BTG4: variants seen among roughly 807,000 people sequenced by gnomAD.
The protein encoded by BTG4 is BTG anti-proliferation factor 4.
BTG4 carries 10 observed loss-of-function variants against 19.3 expected under a neutral mutation model. That is an observed-to-expected ratio of 0.52 (90% CI 0.32 to 0.88). BTG4 has a LOEUF of 0.88. Among genes scored for constraint, BTG4 ranks in the 40% least tolerant of loss-of-function variants. BTG4 has a pLI of 0.04. For synonymous variants in BTG4, 91 were observed against 95.7 expected (o/e 0.95, Z 0.29); for missense variants, 238 against 281.9 (o/e 0.84, Z 1.11).
intron 5 of BTG4, among the ~76,000 whole-genome samples, chr11:111,477,244 C>A (rs1864447269): frequency 6.6e-6 from 1 of 152,090 alleles, no homozygotes; most frequent in South Asian, 2.1e-4. Flanking sequence ...ATCATGTTCT[C>A]CTTACTGCTG....
chr11:111,393,957 G>A, the BTG4 span, among the ~76,000 whole-genome samples: 1 of 152,176 alleles, frequency 6.6e-6, no homozygotes, highest in Admixed American at 6.5e-5. Flanking sequence ...CTGTTACCTT[G>A]AGCAAAAGCA....
chr11:111,464,196 C>T (rs529314278), downstream of BTG4, among the ~76,000 whole-genome samples: 1 of 152,082 alleles, frequency 6.6e-6, no homozygotes, highest in East Asian at 1.9e-4. Context: ...ACAGGGTTTC[C>T]CCATGTTGGC....
chr11:111,390,159 T>C, the BTG4 span, among the ~76,000 whole-genome samples: 1 of 152,328 alleles, frequency 6.6e-6, no homozygotes, highest in South Asian at 2.1e-4. Context: ...CATCACATTA[T>C]TCCCCACAAC....
chr11:111,494,908 G>C lies in BTG4; in HGVS notation c.*227C>G. 1 of 984,188 alleles carries C rather than the reference G, an allele frequency of 1.0e-6. No homozygotes were observed. The highest frequency in any genetic ancestry group is 1.2e-6 in the Non-Finnish European group (1 of 829,214). 61.0% of individuals were successfully genotyped at this position (984,188 alleles called of 1,614,324 possible). ...ACATCTTCATTCTGTTACCTTACTGGGTACATTCACTGATGTTACATAAAA... is the reference window on the plus strand; with the variant it reads ...ACATCTTCATTCTGTTACCTTACTGCGTACATTCACTGATGTTACATAAAA... On this transcript the variant is annotated 3_prime_UTR_variant, in exon 5 of 5. Transcript: ENST00000692032.
the BTG4 span, among the ~76,000 whole-genome samples, chr11:111,443,068 T>C: frequency 6.6e-6 from 1 of 152,246 alleles, no homozygotes; most frequent in East Asian, 1.9e-4. Flanking sequence ...TACATCATGT[T>C]GATTGCATGT....
chr11:111,398,650 G>A, the BTG4 span, among the ~76,000 whole-genome samples: 1 of 152,112 alleles, frequency 6.6e-6, no homozygotes, highest in African/African-American at 2.4e-5. Flanking sequence ...GAGACGGGGT[G>A]AAAATTTGCA....
chr11:111,390,825 A>C, the BTG4 span, among the ~76,000 whole-genome samples: 1 of 152,186 alleles, frequency 6.6e-6, no homozygotes, highest in African/African-American at 2.4e-5. Flanking sequence ...TTCCCAAAAC[A>C]AGGCAACCAT....
At chr11:111,436,892 G>C in the BTG4 span, among the ~76,000 whole-genome samples, 1 of 152,114 alleles carries the variant, frequency 6.6e-6, no homozygotes. Flanking sequence ...TATTTCTCCG[G>C]CAGATGGCAG....
the BTG4 span, among the ~76,000 whole-genome samples, chr11:111,423,052 G>A: frequency 6.6e-6 from 1 of 152,164 alleles, no homozygotes; most frequent in Non-Finnish European, 1.5e-5. Flanking sequence ...CCTGTAGCCA[G>A]TGACTCCTGA....
At chr11:111,434,094 T>C in the BTG4 span, among the ~76,000 whole-genome samples, 1 of 152,212 alleles carries the variant, frequency 6.6e-6, no homozygotes, top group South Asian at 2.1e-4. Context: ...TAAAGACACA[T>C]GCACACGTAT....
chr11:111,496,839 G>A (rs944428673), intron 4 of BTG4: 36 of 254,210 alleles, frequency 1.4e-4, no homozygotes, highest in Non-Finnish European at 1.9e-4. Flanking sequence ...ATAGGCCTTT[G>A]ACCTTTCCTA....
the BTG4 span, among the ~76,000 whole-genome samples, chr11:111,394,685 G>A: frequency 6.6e-6 from 1 of 152,102 alleles, no homozygotes; most frequent in Non-Finnish European, 1.5e-5. Flanking sequence ...CATTTCTACT[G>A]TTTATCTCTA....
chr11:111,419,628 A>T, the BTG4 span, among the ~76,000 whole-genome samples: 1 of 152,244 alleles, frequency 6.6e-6, no homozygotes, highest in African/African-American at 2.4e-5. Context: ...AGAACATAGA[A>T]AAAAGGTCCA....
At chr11:111,439,021 G>A in the BTG4 span, among the ~76,000 whole-genome samples, 1 of 152,206 alleles carries the variant, frequency 6.6e-6, no homozygotes, top group Admixed American at 6.5e-5. Flanking sequence ...GGTGTTACCT[G>A]ACTAGCACGT....
At chr11:111,495,543 C>T (rs972996007) in intron 4 of BTG4, among the ~76,000 whole-genome samples, 11 of 152,138 alleles carry the variant, frequency 7.2e-5, no homozygotes, top group Non-Finnish European at 1.5e-4. Flanking sequence ...TTTTAATATG[C>T]TTATTCAAGT....
intron 5 of BTG4, among the ~76,000 whole-genome samples, chr11:111,485,225 T>G (rs1291635427): frequency 1.3e-5 from 2 of 152,040 alleles, no homozygotes; most frequent in Non-Finnish European, 2.9e-5. Context: ...AAAGAAACAC[T>G]GGACTTAATC....
At chr11:111,471,199 A>G (rs1044321558) in intron 5 of BTG4, among the ~76,000 whole-genome samples, 2 of 152,186 alleles carry the variant, frequency 1.3e-5, no homozygotes, top group Non-Finnish European at 2.9e-5. Context: ...AAAAGAAGAT[A>G]AGGAATTTGC....
the BTG4 span, among the ~76,000 whole-genome samples, chr11:111,400,059 C>T: frequency 1.3e-5 from 2 of 152,082 alleles, no homozygotes; most frequent in Non-Finnish European, 2.9e-5. Context: ...TGTAAATCCC[C>T]TCTGTTACTG....
At chr11:111,488,661 TCA>T (rs34835744) in intron 5 of BTG4, among the ~76,000 whole-genome samples, 52,209 of 151,788 alleles carry the variant, frequency 0.34, 9,102 homozygotes, top group Middle Eastern at 0.4. Context: ...AAGAGACAAC[TCA>T]CAGAATAGGA....
Sources: gnomAD v4.1 joint callset for allele counts (sites outside exome capture counted in the v4.1 genomes callset) on GRCh38, gnomAD v4.1.1 for gene constraint, MANE v1.5 for transcripts, NCBI Gene and HGNC (gene_info 2026-07-23, HGNC 2026-07-21) for gene names.